PLCB1: variants seen among roughly 807,000 people sequenced by gnomAD.
The protein encoded by PLCB1 is 1-phosphatidylinositol 4,5-bisphosphate phosphodiesterase beta-1.
Under a neutral mutation model 161.8 loss-of-function variants are expected in PLCB1, and 46 were observed. The observed-to-expected ratio is 0.28, with a 90% confidence interval of 0.22 to 0.36. The LOEUF (loss-of-function observed/expected upper bound fraction) is 0.36. PLCB1 is among the 10% of genes least tolerant of loss of function. The pLI is 1.00. For synonymous variants in PLCB1, 517 were observed against 503.7 expected, an observed-to-expected ratio of 1.03 and a Z score of -0.35; for missense variants, 1,016 against 1,472.5, an observed-to-expected ratio of 0.69 and a Z score of 5.07.
chr20:8,864,839 A>G (rs1260835257), intron 31 of PLCB1, among the ~76,000 whole-genome samples: 2 of 152,228 alleles, frequency 1.3e-5, no homozygotes, highest in South Asian at 2.1e-4. Flanking sequence ...CCTATGATGC[A>G]TCAGAATGGC....
chr20:8,501,003 C>T (rs527814059), intron 3 of PLCB1, among the ~76,000 whole-genome samples: 9 of 152,252 alleles, frequency 5.9e-5, no homozygotes, highest in Middle Eastern at 3.4e-3. Context: ...ATTTATAATA[C>T]GCATTTCTCA....
chr20:8,800,784 T>C (rs6516406), intron 31 of PLCB1, among the ~76,000 whole-genome samples: 40,279 of 152,100 alleles, frequency 0.26, 5,470 homozygotes, highest in Middle Eastern at 0.35. Context: ...AAGTTTCTTA[T>C]TGGGTCTGTG....
chr20:8,196,565 C>T lies in PLCB1; in HGVS notation c.177+46194C>T, dbSNP rs901433990. Among the ~76,000 whole-genome samples the T allele has an allele frequency of 9.9e-5, 15 of 151,396 alleles. No homozygotes were observed. In the South Asian group the frequency reaches 1.0e-3, roughly 11 times the overall value. On this transcript the variant is annotated intron_variant, in intron 2 of 31. Transcript: ENST00000338037. Reference sequence around the variant, plus strand: ...GGATAAAGATACATGTGCTGCAGTGCGTTTATAGAGGCAGGTGATGGTCAA... The same window carrying T: ...GGATAAAGATACATGTGCTGCAGTGTGTTTATAGAGGCAGGTGATGGTCAA...
chr20:8,514,094 A>G (rs946943141), intron 3 of PLCB1, among the ~76,000 whole-genome samples: 2 of 151,914 alleles, frequency 1.3e-5, no homozygotes, highest in African/African-American at 4.8e-5. Flanking sequence ...ATGTAATTAC[A>G]CACTTAGGGA....
intron 3 of PLCB1, among the ~76,000 whole-genome samples, chr20:8,469,751 A>G (rs1981972428): frequency 6.6e-6 from 1 of 152,142 alleles, no homozygotes; most frequent in African/African-American, 2.4e-5. Context: ...CCAGTCACCT[A>G]TTTTTTAAGT....
chr20:8,635,132 G>T (rs1157010807), intron 4 of PLCB1, among the ~76,000 whole-genome samples: 1 of 152,104 alleles, frequency 6.6e-6, no homozygotes, highest in Non-Finnish European at 1.5e-5. Flanking sequence ...TTATCAATCA[G>T]TGTGTCTTAT....
At chr20:8,601,491 C>T (rs564432750) in intron 3 of PLCB1, among the ~76,000 whole-genome samples, 1 of 152,186 alleles carries the variant, frequency 6.6e-6, no homozygotes, top group African/African-American at 2.4e-5. Flanking sequence ...TAATTTATTT[C>T]CCTGACTTGT....
At chr20:8,670,218 T>C (rs991632502) in intron 9 of PLCB1, among the ~76,000 whole-genome samples, 5 of 152,234 alleles carry the variant, frequency 3.3e-5, no homozygotes, top group Non-Finnish European at 7.3e-5. Flanking sequence ...TTAATCTCTC[T>C]TGGGACAACT....
Position 8,494,916 on chromosome 20 carries a change from G to A in PLCB1, c.246+123466G>A, listed in dbSNP as rs545068824. On this transcript the variant is annotated intron_variant, in intron 3 of 31. Coordinates refer to ENST00000338037, the MANE Select transcript of PLCB1 (RefSeq NM_015192.4). ...TGGTTGTTATGTTGAGGACTGAGCC[G>A]CATTATGTGAGAAGGCTAAACATCA... Among the ~76,000 whole-genome samples, 11 of 152,166 alleles carry A rather than the reference G, an allele frequency of 7.2e-5. No individual in the cohort carries two copies. In the East Asian group the frequency reaches 9.6e-4, roughly 13 times the overall value.
chr20:8,550,069 C>G (rs1985716592), intron 3 of PLCB1, among the ~76,000 whole-genome samples: 1 of 152,174 alleles, frequency 6.6e-6, no homozygotes, highest in South Asian at 2.1e-4. Context: ...TACCCCATGC[C>G]TGTACCCCTA....
In PLCB1 at chr20:8,132,803, C is replaced by A; in HGVS notation, c.99+53C>A. 8.4e-7 allele frequency: 1 copy of A among 1,197,180 alleles called. No homozygotes were observed. Among genetic ancestry groups the A allele is most frequent in the Non-Finnish European group, 1.2e-6 (1 of 813,918 alleles). 74.2% of individuals were successfully genotyped at this position (1,197,180 alleles called of 1,614,324 possible). A position where few individuals can be genotyped will look rare whatever the true frequency, so the allele number is the denominator to read the frequency against. On this transcript the variant is annotated intron_variant, in intron 1 of 31. Transcript: ENST00000338037. This position sits in a 1 kb window ranked among gnomAD's most constrained non-coding sequence, Gnocchi z 5.2. ...GCGCTGGCTCGGGCACCGGGCAGGGCGGGCGTCGTGGGGGTGGGGCAAGGG... is the reference window on the plus strand; with the variant it reads ...GCGCTGGCTCGGGCACCGGGCAGGGAGGGCGTCGTGGGGGTGGGGCAAGGG...
intron 3 of PLCB1, among the ~76,000 whole-genome samples, chr20:8,547,821 A>C (rs1189249250): frequency 6.6e-6 from 1 of 152,218 alleles, no homozygotes; most frequent in Non-Finnish European, 1.5e-5. Flanking sequence ...CTTTTAGTAT[A>C]AATATCAAAA....
At chr20:8,566,522 A>C (rs1986339957) in intron 3 of PLCB1, among the ~76,000 whole-genome samples, 1 of 152,170 alleles carries the variant, frequency 6.6e-6, no homozygotes, top group African/African-American at 2.4e-5. Context: ...TTTAAATATC[A>C]CCAAATAAAC....
chr20:8,322,124 G>A (rs953622694), intron 2 of PLCB1, among the ~76,000 whole-genome samples: 2 of 152,070 alleles, frequency 1.3e-5, no homozygotes, highest in African/African-American at 4.8e-5. Flanking sequence ...AACAATGGTT[G>A]CCTATTTATT....
chr20:8,342,809 A>G (rs934659941), intron 2 of PLCB1, among the ~76,000 whole-genome samples: 2 of 152,210 alleles, frequency 1.3e-5, no homozygotes, highest in African/African-American at 4.8e-5. Context: ...GACTTTACAT[A>G]TAAAACCTCT....
intron 2 of PLCB1, among the ~76,000 whole-genome samples, chr20:8,200,085 G>C (rs1281671959): frequency 1.3e-5 from 2 of 151,944 alleles, no homozygotes; most frequent in African/African-American, 4.8e-5. Flanking sequence ...TTAATTCATT[G>C]TCACTCATTT....
intron 3 of PLCB1, among the ~76,000 whole-genome samples, chr20:8,443,860 A>C (rs1451099359): frequency 6.6e-6 from 1 of 151,922 alleles, no homozygotes; most frequent in Admixed American, 6.6e-5. Flanking sequence ...TTCCACCCCT[A>C]CCCCAATTCT....
Position 8,739,351 on chromosome 20 carries a change from A to G in PLCB1, c.2299A>G (p.Ile767Val). The change falls in exon 21 of 32, where the codon ATT becomes GTT. Residue 767 changes from isoleucine (I) to valine (V), a missense_variant. Ile to Val is a conservative substitution (Grantham distance 29). Transcript: ENST00000338037. ...CCACCGTATCTTGCCAGTGCAAGCCATTCGGCCAGGTATGGGTAGTGTGCT... is the reference window on the plus strand; with the variant it reads ...CCACCGTATCTTGCCAGTGCAAGCCGTTCGGCCAGGTATGGGTAGTGTGCT... ...IGHRILPVQAIRPGYHYICLR... is the reference protein window; with the variant it reads ...IGHRILPVQAVRPGYHYICLR... The G allele has an allele frequency of 6.2e-7, 1 of 1,609,318 alleles. No individual in the cohort carries two copies. Among genetic ancestry groups the G allele is most frequent in the Non-Finnish European group, 8.5e-7 (1 of 1,175,522 alleles).
At chr20:8,493,524 A>C (rs531782175) in intron 3 of PLCB1, among the ~76,000 whole-genome samples, 1 of 152,334 alleles carries the variant, frequency 6.6e-6, no homozygotes, top group East Asian at 1.9e-4. Flanking sequence ...AAATTTATTA[A>C]ATCTCCATAG....
Sources: gnomAD v4.1 joint callset for allele counts (sites outside exome capture counted in the v4.1 genomes callset) on GRCh38, gnomAD v4.1.1 for gene constraint, Gnocchi (gnomAD v3.1) non-coding constraint, MANE v1.5 for transcripts, NCBI Gene and HGNC (gene_info 2026-07-23, HGNC 2026-07-21) for gene names.